The following ARHGEF10 variants were observed in gnomAD, a reference collection of about 807,000 sequenced individuals.
ARHGEF10 encodes Rho guanine nucleotide exchange factor 10.
Under a neutral mutation model 147.4 loss-of-function variants are expected in ARHGEF10, and 140 were observed. That is an observed-to-expected ratio of 0.95 (90% CI 0.83 to 1.09). The LOEUF is 1.09. Among genes scored for constraint, ARHGEF10 ranks in the 50% least tolerant of loss-of-function variants. The probability of loss-of-function intolerance (pLI) is 0.00; values close to 1 mark genes in which losing one functional copy is unlikely to be tolerated. For synonymous variants in ARHGEF10, 902 were observed against 695.8 expected (o/e 1.30, Z -4.67); for missense variants, 2,222 against 1,752.7 (o/e 1.27, Z -4.78).
At chr8:1,899,532 A>ATTC (rs2129168157) in intron 15 of ARHGEF10, among the ~76,000 whole-genome samples, 1 of 152,322 alleles carries the variant, frequency 6.6e-6, no homozygotes, top group East Asian at 1.9e-4. Flanking sequence ...TCCATGGCAC[A>ATTC]TTCTTTTTAA....
chr8:1,928,288 A>AT (rs907067303), intron 23 of ARHGEF10, 139 bp from the exon 24 acceptor site: 121 of 784,774 alleles, frequency 1.5e-4, no homozygotes, highest in Admixed American at 3.7e-4. Flanking sequence ...TTGTTTAAGA[A>AT]TTTTTTTTTA....
intron 27 of ARHGEF10, among the ~76,000 whole-genome samples, chr8:1,950,766 G>A (rs1814977530): frequency 7.8e-6 from 1 of 127,908 alleles, no homozygotes; most frequent in Non-Finnish European, 1.6e-5. Flanking sequence ...TTTTAGTAGG[G>A]ATGGGGTTTC....
At chr8:1,866,762 TC>T (rs1455695126) in intron 6 of ARHGEF10, among the ~76,000 whole-genome samples, 160 bp downstream of exon 6, 2 of 152,212 alleles carry the variant, frequency 1.3e-5, no homozygotes, top group African/African-American at 4.8e-5. Flanking sequence ...TGCAGAAGTT[TC>T]CCCGGGTTCC....
At chr8:1,941,099 A>G (rs756898197) in intron 26 of ARHGEF10, among the ~76,000 whole-genome samples, 1 of 152,374 alleles carries the variant, frequency 6.6e-6, no homozygotes, top group East Asian at 1.9e-4. Context: ...TATTCACAGT[A>G]GTACCGGAGG....
chr8:1,880,774 T>C (rs1209984922), intron 9 of ARHGEF10, among the ~76,000 whole-genome samples: 4 of 152,202 alleles, frequency 2.6e-5, no homozygotes, highest in Admixed American at 1.3e-4. Context: ...TTTCCTGCAA[T>C]TGGACCTTTT....
intron 1 of ARHGEF10, among the ~76,000 whole-genome samples, chr8:1,832,837 G>GAGACAGAAAT (rs1803269141): frequency 7.2e-6 from 1 of 138,076 alleles, no homozygotes; most frequent in Non-Finnish European, 1.6e-5. Flanking sequence ...GGCAGAGGCA[G>GAGACAGAAAT]AGACAGAGGC....
rs948395665 is a variant in ARHGEF10 at position 1,933,898 on chromosome 8, G to A, written c.3178G>A (p.Gly1060Arg). The change falls in exon 26 of 29, where the codon GGA (glycine) becomes AGA (arginine). Residue 1060 changes from glycine to arginine, a missense_variant. Transcript: ENST00000349830. ...GGAAGACACGTTGTGGGCGGCTTCC[G>A]GAGGTCAAGTCTTCATCATCAGTGT... is the stretch of plus-strand genomic sequence containing the variant. Reference protein sequence around the residue: ...MMEDTLWAASGGQVFIISVET... With the variant: ...MMEDTLWAASRGQVFIISVET... 5.0e-6 allele frequency: 8 copies of A among 1,614,054 alleles called. No individual in the cohort carries two copies. Among genetic ancestry groups the A allele is most frequent in the African/African-American group, 1.3e-5 (1 of 74,920 alleles).
Position 1,894,841 on chromosome 8 carries a change from C to G in ARHGEF10, c.1440+269C>G, listed in dbSNP as rs572222631. 5.7e-4 allele frequency among the ~76,000 whole-genome samples: 87 copies of G among 152,316 alleles called. 1 individual carries two copies. Among genetic ancestry groups the G allele is most frequent in the Admixed American group, 3.0e-3 (46 of 15,300 alleles). Reference sequence around the variant, plus strand: ...GGACATTTAACAATATGCACTTTATCGAGTCTTGGATGCCCCATTAGACGA... The same window carrying G: ...GGACATTTAACAATATGCACTTTATGGAGTCTTGGATGCCCCATTAGACGA... On this transcript the variant is annotated intron_variant, in intron 13 of 28. Coordinates refer to ENST00000349830, the MANE Select transcript of ARHGEF10 (RefSeq NM_014629.4).
intron 11 of ARHGEF10, among the ~76,000 whole-genome samples, chr8:1,889,986 G>A (rs1809319694): frequency 6.8e-6 from 1 of 147,114 alleles, no homozygotes; most frequent in African/African-American, 2.6e-5. Flanking sequence ...GACACTGAGT[G>A]ATGTGAGCAA....
intron 8 of ARHGEF10, among the ~76,000 whole-genome samples, chr8:1,878,722 G>C (rs564792049): frequency 6.6e-6 from 1 of 152,286 alleles, no homozygotes; most frequent in South Asian, 2.1e-4. Flanking sequence ...GTCACTCCTT[G>C]GTAGTAATTC....
At chr8:1,881,062 G>A (rs1808149965) in intron 9 of ARHGEF10, among the ~76,000 whole-genome samples, 1 of 152,220 alleles carries the variant, frequency 6.6e-6, no homozygotes. Context: ...AACCATGGGA[G>A]GGGTGTGTGA....
At chr8:1,930,972 AT>A (rs1383272038) in intron 25 of ARHGEF10, among the ~76,000 whole-genome samples, 5 of 152,126 alleles carry the variant, frequency 3.3e-5, no homozygotes, top group Admixed American at 1.3e-4. Context: ...CCCGGCCTGG[AT>A]TCCGGTCTGC....
chr8:1,882,336 G>C (rs1024971061), intron 9 of ARHGEF10, among the ~76,000 whole-genome samples: 2 of 152,192 alleles, frequency 1.3e-5, no homozygotes, highest in Non-Finnish European at 2.9e-5. Context: ...TGACATTTGT[G>C]CATGTTAGTG....
chr8:1,939,367 A>G (rs925318484), intron 26 of ARHGEF10, among the ~76,000 whole-genome samples: 1 of 152,236 alleles, frequency 6.6e-6, no homozygotes, highest in African/African-American at 2.4e-5. Context: ...CAGAGCAACC[A>G]CAGATGGTTA....
chr8:1,874,743 A>T (rs557250684), intron 7 of ARHGEF10, among the ~76,000 whole-genome samples: 17 of 149,780 alleles, frequency 1.1e-4, no homozygotes, highest in Admixed American at 6.0e-4. Context: ...TGGAGGTTCT[A>T]AGACAGGCTG....
intron 13 of ARHGEF10, among the ~76,000 whole-genome samples, chr8:1,895,103 A>G (rs993330164): frequency 8.6e-5 from 13 of 152,016 alleles, no homozygotes; most frequent in Non-Finnish European, 1.3e-4. Context: ...TTTCGGCCCT[A>G]TGCTGTGACA....
At chr8:1,835,073 G>A (rs915028686) in intron 1 of ARHGEF10, among the ~76,000 whole-genome samples, 13 of 152,262 alleles carry the variant, frequency 8.5e-5, no homozygotes, top group Non-Finnish European at 5.9e-5. Context: ...CCCCCGGCCC[G>A]TGTCTGCCAA....
intron 1 of ARHGEF10, among the ~76,000 whole-genome samples, chr8:1,826,400 TTGTGTGTGTGCTGTGTGTG>T (rs61336374): frequency 5.9e-5 from 9 of 151,530 alleles, no homozygotes; most frequent in Non-Finnish European, 1.2e-4. Context: ...GTGCGTGTGT[TTGTGTGTGTGCTGTGTGTG>T]TGTGCGCTTT....
At chr8:1,900,288 C>T (rs774920014) in intron 15 of ARHGEF10, among the ~76,000 whole-genome samples, 25 of 152,176 alleles carry the variant, frequency 1.6e-4, no homozygotes, top group Non-Finnish European at 2.8e-4. Context: ...GGAAAAGCCT[C>T]TACCGGGATT....
Sources: gnomAD v4.1 joint callset for allele counts (sites outside exome capture counted in the v4.1 genomes callset) on GRCh38, gnomAD v4.1.1 for gene constraint, MANE v1.5 for transcripts, NCBI Gene and HGNC (gene_info 2026-07-23, HGNC 2026-07-21) for gene names.